Variants in ALDH4A1 observed in about 807,000 individuals in gnomAD.
The protein encoded by ALDH4A1 is aldehyde dehydrogenase 4 family member A1.
ALDH4A1 carries 46 observed loss-of-function variants against 70.5 expected under a neutral mutation model. The ratio of observed to expected loss-of-function variants is 0.65; its 90% CI spans 0.51 to 0.83. ALDH4A1 has a LOEUF of 0.83. ALDH4A1 is among the 40% of genes least tolerant of loss of function. The pLI is 0.00. For missense variants in ALDH4A1, 749 were observed against 766.5 expected (o/e 0.98, Z 0.27); for synonymous variants, 323 against 324.3 (o/e 1.00, Z 0.04).
intron 8 of ALDH4A1, among the ~76,000 whole-genome samples, 160 bp from the exon 9 acceptor site, chr1:18,879,533 C>G (rs72651876): frequency 1.8e-4 from 28 of 152,032 alleles, no homozygotes; most frequent in Non-Finnish European, 3.5e-4. Context: ...CTACGGGGAG[C>G]GGGCAACGGG....
Position 18,872,880 on chromosome 1 carries a change from G to C in ALDH4A1, c.1657C>G (p.Pro553Ala). The C allele has an allele frequency of 1.2e-6, 2 of 1,614,102 alleles. No homozygotes were observed. Among genetic ancestry groups the C allele is most frequent in the Non-Finnish European group, 1.7e-6 (2 of 1,180,020 alleles). ...SPQVIKETHK[P>A]LGDWSYAYMQ ...TACGCGTAGCTCCAGTCCCCCAGGG[G>C]CTTATGTGTCTCCTTGATGACCTGC... The change falls in exon 15 of 15, where the codon CCC becomes GCC. Residue 553 changes from proline (P) to alanine (A), a missense_variant. By Grantham distance (27) the Pro-to-Ala change is conservative. Transcript: ENST00000375341.
intron 12 of ALDH4A1, among the ~76,000 whole-genome samples, chr1:18,875,876 G>C (rs1475429942): frequency 1.3e-5 from 2 of 152,194 alleles, no homozygotes; most frequent in Non-Finnish European, 2.9e-5. Context: ...TGCCACCAAG[G>C]GGCTGGGGGG....
intron 5 of ALDH4A1, among the ~76,000 whole-genome samples, chr1:18,884,236 C>A (rs1935103791): frequency 6.6e-6 from 1 of 152,190 alleles, no homozygotes. Context: ...AGAGCTGACG[C>A]CCACCCCAGA....
chr1:18,880,388 A>C lies in ALDH4A1; in HGVS notation c.867-1015T>G, dbSNP rs1331163589. Among the ~76,000 whole-genome samples the C allele has an allele frequency of 4.8e-5, 7 of 144,710 alleles. No homozygotes were observed. Among genetic ancestry groups the C allele is most frequent in the Non-Finnish European group, 9.1e-5 (6 of 65,850 alleles). 94.9% of individuals were successfully genotyped at this position (144,710 alleles called of 152,430 possible). ...CTCGCTGACAACCCCCCTCATCCCC[A>C]CACGCACCCCAACCCCAACTCCAGG... On this transcript the variant is annotated intron_variant, in intron 8 of 14. Transcript: ENST00000375341. This position sits in a 1 kb window ranked among gnomAD's most constrained non-coding sequence, Gnocchi z 5.1.
intron 5 of ALDH4A1, 104 bp from the exon 6 acceptor site, chr1:18,883,532 G>T (rs1344387395): frequency 6.7e-7 from 1 of 1,500,030 alleles, no homozygotes; most frequent in East Asian, 2.4e-5. Context: ...CCGGGCCCCA[G>T]GAGGGACCAG....
chr1:18,881,802 G>A lies in ALDH4A1; in HGVS notation c.764C>T (p.Pro255Leu). 1.2e-6 allele frequency: 2 copies of A among 1,614,000 alleles called. No homozygotes were observed. Among genetic ancestry groups the A allele is most frequent in the Middle Eastern group, 1.6e-4 (1 of 6,062 alleles). ...VYRILREAGL[P>L]PNIIQFVPAD... The stretch of plus-strand genomic sequence containing the variant: ...TGGCACAAACTGGATGATGTTGGGG[G>A]GCAGGCCAGCCTCCCGAAGGATGCG... Residue 255 changes from proline to leucine, a missense_variant, in exon 8 of 15, where the codon CCC becomes CTC. By Grantham distance (98) the Pro-to-Leu change is moderately conservative. Transcript: ENST00000375341.
chr1:18,897,968 A>C (rs745425938), intron 1 of ALDH4A1, among the ~76,000 whole-genome samples: 4 of 152,118 alleles, frequency 2.6e-5, no homozygotes, highest in Non-Finnish European at 5.9e-5. Context: ...GGGATTAAGG[A>C]GGCTGCAAGA....
At chr1:18,874,077 G>C (rs563844274) in intron 14 of ALDH4A1, among the ~76,000 whole-genome samples, 1 of 152,340 alleles carries the variant, frequency 6.6e-6, no homozygotes, top group South Asian at 2.1e-4. Context: ...GCACGCCTGG[G>C]TTCAGCCCTG....
chr1:18,879,170 A>G, intron 9 of ALDH4A1, 130 bp downstream of exon 9: 1 of 859,250 alleles, frequency 1.2e-6, no homozygotes, highest in Non-Finnish European at 1.9e-6. Context: ...TCTACTGGGC[A>G]GTGCTGGTGC....
chr1:18,888,454 C>T (rs1181503750), intron 3 of ALDH4A1, among the ~76,000 whole-genome samples: 2 of 152,232 alleles, frequency 1.3e-5, no homozygotes, highest in African/African-American at 4.8e-5. Flanking sequence ...CCAGCCAGGT[C>T]GGCAAGGCAA....
rs1393672935 is a variant in ALDH4A1 at position 18,873,152 on chromosome 1, C to T, written c.1580-195G>A. On this transcript the variant is annotated intron_variant, in intron 14 of 14. Coordinates refer to ENST00000375341, the MANE Select transcript of ALDH4A1 (RefSeq NM_003748.4). ...CTCCAGTCTCCAGTCTGTGGGGAGC[C>T]TCCATTGTTCTCTCCAGTCGCACCC... 2.0e-5 allele frequency among the ~76,000 whole-genome samples: 3 copies of T among 152,108 alleles called. No individual in the cohort carries two copies. The East Asian group carries it at 5.8e-4, about 29-fold the overall frequency.
intron 1 of ALDH4A1, chr1:18,900,838 G>A (rs1364877076): frequency 1.2e-5 from 12 of 983,872 alleles, no homozygotes; most frequent in East Asian, 2.3e-4. Flanking sequence ...ATGGCAGATC[G>A]TTTCCCATGA....
At chr1:18,882,093 A>G (rs995709475) in intron 7 of ALDH4A1, among the ~76,000 whole-genome samples, 1 of 152,138 alleles carries the variant, frequency 6.6e-6, no homozygotes, top group Non-Finnish European at 1.5e-5. Context: ...GCACAGCCCA[A>G]TCTGCCCCAC....
At position 18,872,551 on chromosome 1, in the gene ALDH4A1, C is replaced by T. The variant is rs974195415; in HGVS notation, c.*294G>A. On this transcript the variant is annotated 3_prime_UTR_variant, in exon 15 of 15. Coordinates refer to ENST00000375341, the MANE Select transcript of ALDH4A1 (RefSeq NM_003748.4). ...TGCTCCATCTCCTTTCCCCAGGTCC[C>T]TGAGCCACTGGGCCCAGTGGAGGGC... 1 of 291,428 alleles carries T rather than the reference C, an allele frequency of 3.4e-6. No homozygotes were observed. Among genetic ancestry groups the T allele is most frequent in the Non-Finnish European group, 6.5e-6 (1 of 154,510 alleles). 18.1% of individuals were successfully genotyped at this position (291,428 alleles called of 1,614,324 possible). A position where few individuals can be genotyped will look rare whatever the true frequency, so the allele number is the denominator to read the frequency against.
chr1:18,873,171 C>T (rs1479119460), intron 14 of ALDH4A1, among the ~76,000 whole-genome samples: 1 of 152,078 alleles, frequency 6.6e-6, no homozygotes, highest in Non-Finnish European at 1.5e-5. Context: ...TCTCTCCAGT[C>T]GCACCCAGCC....
chr1:18,874,527 G>A lies in ALDH4A1; in HGVS notation c.1515C>T (p.Tyr505=), dbSNP rs1012453169. Reference sequence around the variant, plus strand: ...TCGAGCCAGTGGACTTGTCGTTGATGTAGAAGTTGCCGGCAGCATTCCTCA... The same window carrying A: ...TCGAGCCAGTGGACTTGTCGTTGATATAGAAGTTGCCGGCAGCATTCCTCA... ...KVLRNAAGNF[Y]INDKSTGSIV... Residue 505 remains tyrosine, a synonymous_variant, in exon 14 of 15, where the codon TAC becomes TAT. Transcript: ENST00000375341. The A allele has an allele frequency of 6.2e-7, 1 of 1,614,108 alleles. No individual in the cohort carries two copies. The highest frequency in any genetic ancestry group is 1.7e-5 in the Admixed American group (1 of 60,010).
chr1:18,896,133 A>T lies in ALDH4A1; in HGVS notation c.63-6028T>A, dbSNP rs577380866. On this transcript the variant is annotated intron_variant, in intron 1 of 14. Transcript: ENST00000375341. ...TATCGGATTCCTCTCATAGCTCTAG[A>T]CTTTTCTGGAAGCACTAGTGAAAAC... Among the ~76,000 whole-genome samples, 15 of 151,970 alleles carry T rather than the reference A, an allele frequency of 9.9e-5. No individual in the cohort carries two copies. The South Asian group carries it at 2.9e-3, about 29-fold the overall frequency.
chr1:18,894,488 A>G (rs1935549052), intron 1 of ALDH4A1, among the ~76,000 whole-genome samples: 1 of 152,260 alleles, frequency 6.6e-6, no homozygotes, highest in South Asian at 2.1e-4. Context: ...GGTAGCAGTG[A>G]GCCCAGATCG....
intron 13 of ALDH4A1, among the ~76,000 whole-genome samples, chr1:18,875,008 A>T (rs1238221876): frequency 6.6e-6 from 1 of 152,220 alleles, no homozygotes; most frequent in Non-Finnish European, 1.5e-5. Flanking sequence ...GCCTCATGTG[A>T]CCCAGGTTCG....
Sources: allele counts gnomAD v4.1 joint callset (sites outside exome capture counted in the v4.1 genomes callset), GRCh38; gene constraint gnomAD v4.1.1; non-coding constraint Gnocchi (gnomAD v3.1); transcripts MANE v1.5; gene names NCBI Gene and HGNC (gene_info 2026-07-23, HGNC 2026-07-21).